Variants in LHFPL3 observed in about 807,000 individuals in gnomAD.
The protein encoded by LHFPL3 is LHFPL tetraspan subfamily member 3.
LHFPL3 carries 5 observed loss-of-function variants against 19.3 expected under a neutral mutation model. The observed-to-expected ratio is 0.26, with a 90% CI of 0.14 to 0.54. The LOEUF (loss-of-function observed/expected upper bound fraction) is 0.54, where lower values mean the gene tolerates loss of function less well. Ranked by LOEUF, LHFPL3 falls within the 20% of genes least tolerant of loss-of-function variation. The probability of loss-of-function intolerance (pLI) is 0.94; values close to 1 mark genes in which losing one functional copy is unlikely to be tolerated. For synonymous variants in LHFPL3, 133 were observed against 126.2 expected (o/e 1.05, Z -0.36); for missense variants, 249 against 307.4 (o/e 0.81, Z 1.42).
intron 1 of LHFPL3, among the ~76,000 whole-genome samples, chr7:104,463,841 C>T (rs1317736898): frequency 1.3e-5 from 2 of 152,158 alleles, no homozygotes; most frequent in Non-Finnish European, 2.9e-5. Flanking sequence ...GGAGACACAG[C>T]CAAACCATAT....
At position 104,819,230 on chromosome 7, in the gene LHFPL3, A is replaced by G. The variant is rs186917680; in HGVS notation, c.682+82319A>G. 2.5e-3 allele frequency among the ~76,000 whole-genome samples: 383 copies of G among 152,298 alleles called. 1 individual carries two copies. Among genetic ancestry groups the G allele is most frequent in the African/African-American group, 9.0e-3 (372 of 41,562 alleles). ...TGCTTGCATTTCTAATAATAATTCTAAAACAGATGTTCCCTATTTACAATC... is the reference window on the plus strand; with the variant it reads ...TGCTTGCATTTCTAATAATAATTCTGAAACAGATGTTCCCTATTTACAATC... On this transcript the variant is annotated intron_variant, in intron 2 of 2. Transcript: ENST00000424859.
At chr7:104,842,172 C>G (rs1405334930) in intron 2 of LHFPL3, among the ~76,000 whole-genome samples, 2 of 118,024 alleles carry the variant, frequency 1.7e-5, no homozygotes, top group East Asian at 2.1e-4. Context: ...CTCACACACA[C>G]ACACAATCCT....
chr7:104,412,855 G>T (rs1427041244), intron 1 of LHFPL3, among the ~76,000 whole-genome samples: 1 of 152,024 alleles, frequency 6.6e-6, no homozygotes. Flanking sequence ...CCTACTAAAA[G>T]CAATCTATTT....
chr7:104,579,326 T>A (rs1283747480), intron 1 of LHFPL3, among the ~76,000 whole-genome samples: 1 of 152,130 alleles, frequency 6.6e-6, no homozygotes, highest in Non-Finnish European at 1.5e-5. Context: ...CTCCTCTCTT[T>A]TGGAATCCCC....
chr7:104,563,337 C>T (rs1455440176), intron 1 of LHFPL3, among the ~76,000 whole-genome samples: 1 of 152,306 alleles, frequency 6.6e-6, no homozygotes, highest in Admixed American at 6.5e-5. Context: ...CAGCGAGACT[C>T]CGTGGGCGTA....
intron 2 of LHFPL3, among the ~76,000 whole-genome samples, chr7:104,867,986 T>TATCTCAATAGATGC (rs1372251569): frequency 6.6e-6 from 1 of 152,210 alleles, no homozygotes; most frequent in Non-Finnish European, 1.5e-5. Context: ...ACCATATGAT[T>TATCTCAATAGATGC]ATCTCAATAG....
At chr7:104,541,718 T>C (rs1794489230) in intron 1 of LHFPL3, among the ~76,000 whole-genome samples, 1 of 152,202 alleles carries the variant, frequency 6.6e-6, no homozygotes, top group African/African-American at 2.4e-5. Flanking sequence ...CATGCTTCTG[T>C]ACTGCAAATT....
chr7:104,614,676 CTTCCTTCT>C lies in LHFPL3; in HGVS notation c.446-121995_446-121988del, dbSNP rs1395836526. Reference sequence around the variant, plus strand: ...CTCTCCTTCCTTCCTTCCTTCCTTCCTTCCTTCTTTCTTTCTTTCTTTCTTTCTTTCTT... The same window carrying C: ...CTCTCCTTCCTTCCTTCCTTCCTTCCTTCTTTCTTTCTTTCTTTCTTTCTT... On this transcript the variant is annotated intron_variant, in intron 1 of 2. Coordinates refer to ENST00000424859, the MANE Select transcript of LHFPL3 (RefSeq NM_199000.3). 6.6e-3 allele frequency among the ~76,000 whole-genome samples: 641 copies of C among 97,414 alleles called. 6 individuals carry two copies. The highest frequency in any genetic ancestry group is 0.015 in the African/African-American group (397 of 27,306). 63.9% of individuals were successfully genotyped at this position (97,414 alleles called of 152,430 possible). A position where few individuals can be genotyped will look rare whatever the true frequency, so the allele number is the denominator to read the frequency against.
Position 104,625,405 on chromosome 7 carries a change from A to G in LHFPL3, c.446-111270A>G, listed in dbSNP as rs201252122. On this transcript the variant is annotated intron_variant, in intron 1 of 2. Transcript: ENST00000424859. The stretch of plus-strand genomic sequence containing the variant: ...CTAGGAGCAAAGTGCTGCACGCCTC[A>G]GTTCCACAATATTGGAGACAAAATC... 6.3e-4 allele frequency among the ~76,000 whole-genome samples: 96 copies of G among 152,358 alleles called. No homozygotes were observed. The East Asian group carries it at 0.013, about 20-fold the overall frequency.
intron 2 of LHFPL3, among the ~76,000 whole-genome samples, chr7:104,846,721 A>T (rs908341497): frequency 6.6e-6 from 1 of 152,188 alleles, no homozygotes; most frequent in African/African-American, 2.4e-5. Flanking sequence ...AGAGCCTTTT[A>T]AAAGTGAAGG....
intron 2 of LHFPL3, among the ~76,000 whole-genome samples, chr7:104,819,829 T>C (rs1790644257): frequency 6.6e-6 from 1 of 152,124 alleles, no homozygotes; most frequent in Non-Finnish European, 1.5e-5. Context: ...ACATGGACAA[T>C]TTATCAAGGC....
At position 104,427,538 on chromosome 7, in the gene LHFPL3, C is replaced by T. The variant is rs912031035; in HGVS notation, c.445+98314C>T. 3.3e-5 allele frequency among the ~76,000 whole-genome samples: 5 copies of T among 152,316 alleles called. No homozygotes were observed. In the South Asian group the frequency reaches 8.3e-4, roughly 25 times the overall value. On this transcript the variant is annotated intron_variant, in intron 1 of 2. Transcript: ENST00000424859. ...TTTGCTTGAAACTATTTTGTGTCAA[C>T]ATGTAGTTTGAGTGGCTATGTGAAT...
intron 1 of LHFPL3, among the ~76,000 whole-genome samples, chr7:104,409,844 T>C (rs908454614): frequency 6.6e-6 from 1 of 152,120 alleles, no homozygotes; most frequent in Non-Finnish European, 1.5e-5. Flanking sequence ...TAAGCTCTTG[T>C]TACAGATCAA....
chr7:104,704,219 A>G (rs1055515387), intron 1 of LHFPL3, among the ~76,000 whole-genome samples: 9 of 152,186 alleles, frequency 5.9e-5, no homozygotes, highest in Admixed American at 3.3e-4. Flanking sequence ...AGGGCTTTGT[A>G]TATTGTTTTT....
At chr7:104,522,951 T>C (rs1175730907) in intron 1 of LHFPL3, among the ~76,000 whole-genome samples, 2 of 133,560 alleles carry the variant, frequency 1.5e-5, no homozygotes, top group Non-Finnish European at 3.3e-5. Flanking sequence ...ATCTGCTGTC[T>C]GTCTCTCTCT....
At chr7:104,560,521 G>C (rs1489042209) in intron 1 of LHFPL3, among the ~76,000 whole-genome samples, 3 of 149,156 alleles carry the variant, frequency 2.0e-5, no homozygotes, top group South Asian at 2.1e-4. Flanking sequence ...GGGATCGGTG[G>C]TGATATCCCC....
intron 1 of LHFPL3, among the ~76,000 whole-genome samples, chr7:104,684,518 A>G (rs1792770241): frequency 6.6e-6 from 1 of 152,254 alleles, no homozygotes; most frequent in South Asian, 2.1e-4. Flanking sequence ...TGAATTTCAT[A>G]TAATTTTCAT....
chr7:104,520,816 C>T (rs1027144803), intron 1 of LHFPL3, among the ~76,000 whole-genome samples: 81 of 144,072 alleles, frequency 5.6e-4, no homozygotes, highest in South Asian at 3.0e-3. Flanking sequence ...TTTTTTATTG[C>T]GTCTATTTGA....
intron 1 of LHFPL3, among the ~76,000 whole-genome samples, chr7:104,626,722 T>G (rs138767857): frequency 5.9e-5 from 9 of 152,322 alleles, no homozygotes; most frequent in Admixed American, 2.0e-4. Flanking sequence ...GTTGTAATGT[T>G]GGACAGATTT....
Sources: gnomAD v4.1 joint callset for allele counts (sites outside exome capture counted in the v4.1 genomes callset) on GRCh38, gnomAD v4.1.1 for gene constraint, MANE v1.5 for transcripts, NCBI Gene and HGNC (gene_info 2026-07-23, HGNC 2026-07-21) for gene names.